STK38L: variants seen among roughly 807,000 people sequenced by gnomAD.
The protein encoded by STK38L is serine/threonine-protein kinase 38-like.
In STK38L, 28 loss-of-function variants were observed where a neutral mutation model predicts 59.7. The observed-to-expected ratio is 0.47, with a 90% confidence interval of 0.35 to 0.64. The LOEUF is 0.64. STK38L is among the 30% of genes least tolerant of loss of function. STK38L has a pLI of 0.01. For missense variants in STK38L, 314 were observed against 555.8 expected (o/e 0.56, Z 4.37); for synonymous variants, 162 against 176.8 (o/e 0.92, Z 0.66).
chr12:27,313,261 A>C (rs1421333520), intron 6 of STK38L, among the ~76,000 whole-genome samples: 2 of 152,126 alleles, frequency 1.3e-5, no homozygotes, highest in Middle Eastern at 3.4e-3. Flanking sequence ...AAAAAAAAAA[A>C]AAAAATACCT....
At chr12:27,302,066 TA>T in intron 2 of STK38L, 70 bp from the exon 3 acceptor site, 1 of 1,273,200 alleles carries the variant, frequency 7.9e-7, no homozygotes, top group Non-Finnish European at 1.1e-6. Context: ...CCTGAATAAA[TA>T]AATGTATATT....
At chr12:27,247,915 A>G (rs1028616743) in intron 1 of STK38L, among the ~76,000 whole-genome samples, 1 of 151,766 alleles carries the variant, frequency 6.6e-6, no homozygotes, top group African/African-American at 2.4e-5. Flanking sequence ...CTCAGGCTCA[A>G]GCGATCCTCC....
intron 7 of STK38L, 120 bp downstream of exon 7, chr12:27,314,778 T>C (rs971324734): frequency 3.4e-6 from 4 of 1,182,270 alleles, no homozygotes; most frequent in Admixed American, 5.8e-5. Flanking sequence ...CATTATATGA[T>C]AAGGTACTAG....
chr12:27,290,652 CT>C (rs1395934597), intron 1 of STK38L, among the ~76,000 whole-genome samples: 4 of 152,146 alleles, frequency 2.6e-5, no homozygotes. Flanking sequence ...CTCAAATGTG[CT>C]GTAAAGGAAG....
At chr12:27,320,289 CAG>C (rs1944692527) in intron 12 of STK38L, among the ~76,000 whole-genome samples, 1 of 151,956 alleles carries the variant, frequency 6.6e-6, no homozygotes, top group Admixed American at 6.6e-5. Flanking sequence ...TTTTTTGAGA[CAG>C]GGTCTCACTC....
At chr12:27,313,677 C>G (rs952034531) in intron 6 of STK38L, among the ~76,000 whole-genome samples, 1 of 152,030 alleles carries the variant, frequency 6.6e-6, no homozygotes, top group Non-Finnish European at 1.5e-5. Context: ...ACCACTGCCC[C>G]TGGCTCCCTA....
intron 1 of STK38L, among the ~76,000 whole-genome samples, chr12:27,255,170 A>G (rs1417892091): frequency 6.6e-6 from 1 of 152,242 alleles, no homozygotes; most frequent in African/African-American, 2.4e-5. Flanking sequence ...CAATTCAGGC[A>G]CAAGGTGGCA....
At chr12:27,306,714 A>AACACACACACACACAC (rs10553623) in intron 3 of STK38L, among the ~76,000 whole-genome samples, 9,002 of 139,034 alleles carry the variant, frequency 0.065, 377 homozygotes, top group Middle Eastern at 0.094. Context: ...GAATTTTATA[A>AACACACACACACACAC]ACACACACAC....
chr12:27,301,556 G>A (rs376619666), intron 2 of STK38L, among the ~76,000 whole-genome samples: 3 of 152,128 alleles, frequency 2.0e-5, no homozygotes, highest in South Asian at 2.1e-4. Context: ...CACCGCACCC[G>A]GCCGCTGGTG....
chr12:27,251,339 A>T (rs942383977), intron 1 of STK38L, among the ~76,000 whole-genome samples: 5 of 152,216 alleles, frequency 3.3e-5, no homozygotes, highest in African/African-American at 1.2e-4. Context: ...TTATAGTTTT[A>T]TGAAGCGTTT....
intron 1 of STK38L, among the ~76,000 whole-genome samples, chr12:27,254,617 A>G (rs1368834523): frequency 6.6e-6 from 1 of 152,246 alleles, no homozygotes; most frequent in East Asian, 1.9e-4. Flanking sequence ...AGGACAACCA[A>G]AAAGTTAATG....
chr12:27,264,963 A>T (rs1943273358), intron 1 of STK38L, among the ~76,000 whole-genome samples: 1 of 152,220 alleles, frequency 6.6e-6, no homozygotes, highest in Non-Finnish European at 1.5e-5. Flanking sequence ...TATTGTTTAA[A>T]GCCATAGGAA....
At position 27,322,132 on chromosome 12, in the gene STK38L, C is replaced by A. The variant is rs775748551; in HGVS notation, c.1176-11C>A. On this transcript the variant is annotated splice_polypyrimidine_tract_variant and intron_variant, in intron 12 of 13. Transcript: ENST00000389032. ...GAAAAGTTACCATGCATACTTAATA[C>A]CTTTTTATAGGGAAAGGCCAGCAGC... 1 of 1,608,702 alleles carries A rather than the reference C, an allele frequency of 6.2e-7. No homozygotes were observed. Among genetic ancestry groups the A allele is most frequent in the Non-Finnish European group, 8.5e-7 (1 of 1,178,306 alleles).
At chr12:27,269,553 A>G (rs1270115210) in intron 1 of STK38L, among the ~76,000 whole-genome samples, 1 of 152,150 alleles carries the variant, frequency 6.6e-6, no homozygotes, top group African/African-American at 2.4e-5. Flanking sequence ...GTCAGGTAGC[A>G]TGAGCCCTCC....
chr12:27,274,805 A>G (rs1028907285), intron 1 of STK38L, among the ~76,000 whole-genome samples: 20 of 152,240 alleles, frequency 1.3e-4, no homozygotes, highest in Admixed American at 1.3e-3. Context: ...TAATGATTAC[A>G]TATATAACTC....
intron 10 of STK38L, 102 bp downstream of exon 10, chr12:27,317,555 T>C: frequency 1.0e-6 from 1 of 981,658 alleles, no homozygotes; most frequent in South Asian, 1.6e-5. Context: ...TTGAAGTCTT[T>C]TAAGCTTAAT....
At position 27,315,084 on chromosome 12, in the gene STK38L, A is replaced by G; in HGVS notation, c.742A>G (p.Arg248Gly). 2 of 1,613,710 alleles carry G rather than the reference A, an allele frequency of 1.2e-6. No individual in the cohort carries two copies. The highest frequency in any genetic ancestry group is 1.7e-6 in the Non-Finnish European group (2 of 1,179,888). Residue 248 changes from arginine (R) to glycine (G), a missense_variant, in exon 8 of 14, where the codon AGA becomes GGA. Around this residue, in one of 3 missense-constraint regions of STK38L, gnomAD observed 192 missense variants for 316.9 expected, o/e 0.61. Transcript: ENST00000389032. Reference protein sequence around the residue: ...LKKAHRTEFYRNLTHNPPSDF... With the variant: ...LKKAHRTEFYGNLTHNPPSDF... ...GAAAGCTCACAGGACTGAATTTTAT[A>G]GAAATCTCACACACAACCCACCAAG...
At chr12:27,302,883 G>A (rs577879395) in intron 3 of STK38L, among the ~76,000 whole-genome samples, 3 of 151,760 alleles carry the variant, frequency 2.0e-5, no homozygotes, top group African/African-American at 4.8e-5. Flanking sequence ...AGCGGTGGCA[G>A]GCGCCTGTAG....
At chr12:27,303,669 C>T (rs187018780) in intron 3 of STK38L, among the ~76,000 whole-genome samples, 5 of 152,014 alleles carry the variant, frequency 3.3e-5, no homozygotes, top group Admixed American at 1.3e-4. Context: ...ATGTGGTGAA[C>T]GTTGAAAATA....
Sources: allele counts gnomAD v4.1 joint callset (sites outside exome capture counted in the v4.1 genomes callset), GRCh38; gene constraint gnomAD v4.1.1; regional missense constraint gnomAD v4.1.1; transcripts MANE v1.5; gene names NCBI Gene and HGNC (gene_info 2026-07-23, HGNC 2026-07-21).